PRH1: variants seen among roughly 807,000 people sequenced by gnomAD.
PRH1 encodes proline rich protein HaeIII subfamily 1, also known as salivary acidic proline-rich phosphoprotein 1/2.
In PRH1, 7 loss-of-function variants were observed where a neutral mutation model predicts 7.9. That is an observed-to-expected ratio of 0.89 (90% CI 0.50 to 1.67). The LOEUF (loss-of-function observed/expected upper bound fraction) is 1.67. Ranked by LOEUF, PRH1 falls within the 40% of genes most tolerant of loss-of-function variation. PRH1 has a pLI of 0.00. For missense variants in PRH1, 109 were observed against 223.6 expected (o/e 0.49, Z 3.27); for synonymous variants, 45 against 80.8 (o/e 0.56, Z 2.38).
intron 1 of PRH1, chr12:11,133,629 GA>G (rs1183264753): frequency 6.2e-7 from 1 of 1,614,280 alleles, no homozygotes; most frequent in East Asian, 2.2e-5. Flanking sequence ...ATCTTCTTGA[GA>G]TGTTTACACA....
chr12:11,042,790 C>A (rs111975300), intron 1 of PRH1, among the ~76,000 whole-genome samples: 6,002 of 151,876 alleles, frequency 0.04, 185 homozygotes, highest in South Asian at 0.12. Context: ...CCACCACGCC[C>A]GGCTAAATTT....
upstream of PRH1, among the ~76,000 whole-genome samples, chr12:10,885,564 C>T (rs1472256976): frequency 6.6e-6 from 1 of 152,166 alleles, no homozygotes; most frequent in East Asian, 1.9e-4. Context: ...TCCTCAGCTG[C>T]TGATTGCTCC....
At chr12:11,058,680 G>GCGACTAGAGCATTGTTTCACATTTCTTC (rs1412159131) in intron 1 of PRH1, among the ~76,000 whole-genome samples, 9 of 151,278 alleles carry the variant, frequency 5.9e-5, no homozygotes, top group Admixed American at 1.3e-4. Flanking sequence ...AGAATTCAAA[G>GCGACTAGAGCATTGTTTCACATTTCTTC]CTGTTAGAGG....
At chr12:11,146,207 C>G (rs896491327) in intron 1 of PRH1, among the ~76,000 whole-genome samples, 1 of 151,984 alleles carries the variant, frequency 6.6e-6, no homozygotes, top group Non-Finnish European at 1.5e-5. Context: ...TTCTGTGCGT[C>G]TTTACACATT....
At chr12:11,163,805 C>T (rs992479533) in intron 1 of PRH1, among the ~76,000 whole-genome samples, 9 of 152,088 alleles carry the variant, frequency 5.9e-5, no homozygotes, top group Non-Finnish European at 1.0e-4. Flanking sequence ...TTTTACTCTA[C>T]CATATACCAT....
chr12:10,920,182 CTAAA>C (rs1189837164), intron 2 of PRH1, among the ~76,000 whole-genome samples: 2 of 152,008 alleles, frequency 1.3e-5, no homozygotes, highest in Non-Finnish European at 2.9e-5. Flanking sequence ...GTATGAGCCA[CTAAA>C]TAAATAATTT....
At chr12:10,887,391 A>C (rs1455991933), upstream of PRH1, among the ~76,000 whole-genome samples, 2 of 152,162 alleles carry the variant, frequency 1.3e-5, no homozygotes, top group Admixed American at 1.3e-4. Flanking sequence ...TGAGACTTCA[A>C]CTTGCTTTGA....
chr12:10,919,687 T>G (rs2135844720), intron 2 of PRH1, among the ~76,000 whole-genome samples: 1 of 152,162 alleles, frequency 6.6e-6, no homozygotes, highest in Middle Eastern at 3.4e-3. Flanking sequence ...TTTTTTTTGT[T>G]GATTTCTAAT....
In PRH1 at chr12:10,882,616, A is replaced by G; in HGVS notation, c.183T>C (p.Gly61=). Residue 61 remains glycine (G), a synonymous_variant, in exon 3 of 4, where the codon GGT becomes GGC. Coordinates refer to ENST00000543626, the MANE Select transcript of PRH1 (RefSeq NM_001393989.1). ...GAGGGCCATCATCCTGGTTCCCATC[A>G]CCAGCAGAGGGTTGAGATTGCTGTC... ...LGGQQSQPSA[G]DGNQDDGPQQ... 6.2e-7 allele frequency: 1 copy of G among 1,611,042 alleles called. No homozygotes were observed. The highest frequency in any genetic ancestry group is 1.1e-5 in the South Asian group (1 of 90,702).
rs771569584 is a variant in PRH1, at chr12:10,909,138, G to A, written c.-58-24863C>T. The stretch of plus-strand genomic sequence containing the variant: ...TATTTCCCAGATCAGCCCAATTCTG[G>A]AGATTGCCAAGATAATGAGGAGTTT... On this transcript the variant is annotated intron_variant, in intron 2 of 3. Coordinates refer to the PRH1 transcript ENST00000539853. 6.2e-6 allele frequency: 10 copies of A among 1,613,778 alleles called. No homozygotes were observed. In the African/African-American group the frequency reaches 1.3e-4, roughly 22 times the overall value.
At chr12:11,115,534 T>G (rs1945708148) in intron 1 of PRH1, among the ~76,000 whole-genome samples, 1 of 152,118 alleles carries the variant, frequency 6.6e-6, no homozygotes, top group Non-Finnish European at 1.5e-5. Context: ...TAATCTGCAG[T>G]ATAGAACAAA....
At chr12:10,969,992 G>C (rs541261588) in intron 2 of PRH1, among the ~76,000 whole-genome samples, 3 of 152,182 alleles carry the variant, frequency 2.0e-5, no homozygotes, top group Non-Finnish European at 4.4e-5. Flanking sequence ...AGCAGAGATG[G>C]GGTTTTGCCA....
chr12:11,166,369 T>C (rs868507689), intron 1 of PRH1: 1 of 152,314 alleles, frequency 6.6e-6, no homozygotes, highest in Non-Finnish European at 1.5e-5. Flanking sequence ...CCAGAGCAAG[T>C]GAGTTTCCTG....
chr12:10,947,918 C>T (rs117217011), intron 2 of PRH1, among the ~76,000 whole-genome samples: 3,020 of 152,148 alleles, frequency 0.02, 35 homozygotes, highest in South Asian at 0.032. Flanking sequence ...AAATTCTTGG[C>T]TGAAGATTTT....
chr12:11,065,559 A>T (rs1943772091), intron 1 of PRH1, among the ~76,000 whole-genome samples: 1 of 152,122 alleles, frequency 6.6e-6, no homozygotes, highest in Non-Finnish European at 1.5e-5. Context: ...CTTATGTTTA[A>T]CTGGTTCTCA....
chr12:10,903,930 T>C (rs1362167814), intron 2 of PRH1, among the ~76,000 whole-genome samples: 1 of 9,852 alleles, frequency 1.0e-4, no homozygotes, highest in Non-Finnish European at 2.2e-4. Context: ...TACAATAGCC[T>C]CAAAAAAAAA....
At chr12:11,155,700 T>C (rs571373980) in intron 1 of PRH1, among the ~76,000 whole-genome samples, 2 of 152,192 alleles carry the variant, frequency 1.3e-5, no homozygotes, top group Non-Finnish European at 2.9e-5. Context: ...GCTTTCAATT[T>C]CTCTATATTG....
chr12:10,997,092 T>C, intron 1 of PRH1: 1 of 1,614,068 alleles, frequency 6.2e-7, no homozygotes, highest in Non-Finnish European at 8.5e-7. Context: ...TGGCAAAGCA[T>C]TAAGACAATT....
intron 1 of PRH1, among the ~76,000 whole-genome samples, chr12:11,064,923 G>A (rs1358612304): frequency 1.3e-5 from 2 of 151,994 alleles, no homozygotes; most frequent in African/African-American, 2.4e-5. Context: ...GCATAAGGAA[G>A]CTACTCACAA....
Sources: allele counts gnomAD v4.1 joint callset (sites outside exome capture counted in the v4.1 genomes callset), GRCh38; gene constraint gnomAD v4.1.1; transcripts MANE v1.5; gene names NCBI Gene and HGNC (gene_info 2026-07-23, HGNC 2026-07-21).